Variants in ZMAT4 observed in about 807,000 individuals in gnomAD.
The protein encoded by ZMAT4 is zinc finger matrin-type protein 4.
ZMAT4 carries 17 observed loss-of-function variants against 28.7 expected under a neutral mutation model. The ratio of observed to expected loss-of-function variants is 0.59; its 90% CI spans 0.41 to 0.89. The LOEUF (loss-of-function observed/expected upper bound fraction) is 0.89. ZMAT4 is among the 40% of genes least tolerant of loss of function. The pLI is 0.00. For synonymous variants in ZMAT4, 117 were observed against 109.2 expected (o/e 1.07, Z -0.44); for missense variants, 240 against 283.8 (o/e 0.85, Z 1.11).
chr8:40,584,698 A>T (rs1468905364), intron 5 of ZMAT4, among the ~76,000 whole-genome samples: 2 of 151,994 alleles, frequency 1.3e-5, no homozygotes, highest in African/African-American at 4.8e-5. Context: ...GAGTGACATG[A>T]TGTCAGCTCA....
At chr8:40,801,352 A>AAAATATATATATATATATATATG (rs774919666) in intron 2 of ZMAT4, among the ~76,000 whole-genome samples, 10 of 72,146 alleles carry the variant, frequency 1.4e-4, no homozygotes, top group African/African-American at 4.6e-4. Context: ...AAAAAAAAAA[A>AAAATATATATATATATATATATG]TATATATATA....
rs189273900 is a variant in ZMAT4, at chr8:40,676,120, T to C, written c.350-1189A>G. Among the ~76,000 whole-genome samples the C allele has an allele frequency of 5.4e-3, 815 of 152,290 alleles. 8 individuals carry two copies. Among genetic ancestry groups the C allele is most frequent in the Middle Eastern group, 0.031 (9 of 294 alleles). ...TTGGCCTTTTATCCCATTTCTCAGA[T>C]GAGAGATTGATTTCAGAAATGCCAG... On this transcript the variant is annotated intron_variant, in intron 4 of 6. Coordinates refer to ENST00000297737, the MANE Select transcript of ZMAT4 (RefSeq NM_024645.3).
At chr8:40,532,690 A>C (rs1301370367) in intron 6 of ZMAT4, among the ~76,000 whole-genome samples, 1 of 25,142 alleles carries the variant, frequency 4.0e-5, no homozygotes, top group Non-Finnish European at 1.0e-4. Flanking sequence ...CTCTGTTAGA[A>C]GAATAGAAAA....
chr8:40,838,002 TG>T (rs1816560138), intron 1 of ZMAT4, among the ~76,000 whole-genome samples: 1 of 152,232 alleles, frequency 6.6e-6, no homozygotes, highest in Non-Finnish European at 1.5e-5. Flanking sequence ...ACGGAGCAGA[TG>T]GCCCTGACCA....
chr8:40,657,133 C>T (rs1327069079), intron 5 of ZMAT4, among the ~76,000 whole-genome samples: 1 of 152,154 alleles, frequency 6.6e-6, no homozygotes, highest in Non-Finnish European at 1.5e-5. Context: ...CAGGCTCAAA[C>T]CATCCTCCCA....
At chr8:40,787,986 GA>G (rs1367559037) in intron 2 of ZMAT4, among the ~76,000 whole-genome samples, 3 of 151,904 alleles carry the variant, frequency 2.0e-5, no homozygotes, top group Non-Finnish European at 4.4e-5. Flanking sequence ...CAGAAGAAAG[GA>G]AAAAATATAA....
chr8:40,866,973 G>A (rs566102848), intron 1 of ZMAT4, among the ~76,000 whole-genome samples: 1 of 152,202 alleles, frequency 6.6e-6, no homozygotes, highest in Non-Finnish European at 1.5e-5. Flanking sequence ...AGCTAGACTG[G>A]TATAGATGCT....
intron 1 of ZMAT4, among the ~76,000 whole-genome samples, chr8:40,869,551 A>C (rs926837121): frequency 1.3e-5 from 2 of 152,210 alleles, no homozygotes; most frequent in Admixed American, 6.5e-5. Flanking sequence ...CTACATCACA[A>C]GATTATTAGA....
At chr8:40,786,411 G>C (rs1814083422) in intron 2 of ZMAT4, among the ~76,000 whole-genome samples, 1 of 152,036 alleles carries the variant, frequency 6.6e-6, no homozygotes, top group Admixed American at 6.5e-5. Flanking sequence ...GAATGGTTAT[G>C]AATTATAGAA....
At chr8:40,783,078 A>C (rs1015032996) in intron 2 of ZMAT4, among the ~76,000 whole-genome samples, 7 of 152,252 alleles carry the variant, frequency 4.6e-5, no homozygotes, top group African/African-American at 7.2e-5. Context: ...ATGAGAATTG[A>C]AAAACATATT....
chr8:40,786,598 C>G, intron 2 of ZMAT4: 1 of 930,660 alleles, frequency 1.1e-6, no homozygotes, highest in Non-Finnish European at 1.4e-6. Context: ...CATGCACGTT[C>G]TGGTTATTCT....
At chr8:40,873,857 C>A (rs1204221877) in intron 1 of ZMAT4, among the ~76,000 whole-genome samples, 1 of 152,168 alleles carries the variant, frequency 6.6e-6, no homozygotes, top group African/African-American at 2.4e-5. Context: ...TTCAGACAAC[C>A]TGAGCTTTCC....
intron 2 of ZMAT4, among the ~76,000 whole-genome samples, chr8:40,805,960 A>G (rs1488680892): frequency 6.6e-6 from 1 of 151,932 alleles, no homozygotes; most frequent in East Asian, 1.9e-4. Flanking sequence ...AGTTTTCACA[A>G]GAACAAAATT....
intron 1 of ZMAT4, among the ~76,000 whole-genome samples, chr8:40,870,862 G>A (rs1012489775): frequency 1.3e-5 from 2 of 152,178 alleles, no homozygotes; most frequent in Admixed American, 6.5e-5. Flanking sequence ...TCCCTTACCA[G>A]GCTAAAGAAG....
rs1160967577 is a variant in ZMAT4, at chr8:40,531,677, G to A, written c.*546C>T. On this transcript the variant is annotated 3_prime_UTR_variant, in exon 7 of 7. Coordinates refer to ENST00000297737, the MANE Select transcript of ZMAT4 (RefSeq NM_024645.3). ...TCTTCATTGTTCAGATGGTAAACCT[G>A]GCTCCTGTGCTTGGAGAACGGAGAA... The A allele has an allele frequency of 1.3e-5, 2 of 152,330 alleles. No individual in the cohort carries two copies. Among genetic ancestry groups the A allele is most frequent in the Non-Finnish European group, 2.9e-5 (2 of 68,048 alleles). 9.4% of individuals were successfully genotyped at this position (152,330 alleles called of 1,614,324 possible).
chr8:40,675,414 C>T (rs1248636453), intron 4 of ZMAT4, among the ~76,000 whole-genome samples: 1 of 151,862 alleles, frequency 6.6e-6, no homozygotes, highest in Non-Finnish European at 1.5e-5. Context: ...CCAGGTAAAA[C>T]TTGAGCAATA....
intron 2 of ZMAT4, among the ~76,000 whole-genome samples, chr8:40,793,610 A>G (rs1021829424): frequency 1.3e-5 from 2 of 152,236 alleles, no homozygotes; most frequent in Non-Finnish European, 2.9e-5. Context: ...TCTCCAAGTC[A>G]TGCCGAAAAG....
chr8:40,637,216 G>A (rs551875776), intron 5 of ZMAT4, among the ~76,000 whole-genome samples: 2 of 152,144 alleles, frequency 1.3e-5, no homozygotes, highest in Admixed American at 1.3e-4. Context: ...TGGTCCGAGG[G>A]AATGCCACAG....
intron 2 of ZMAT4, 85 bp downstream of exon 2, chr8:40,825,490 A>G: frequency 8.4e-7 from 1 of 1,189,014 alleles, no homozygotes. Context: ...CCCCAAGTCC[A>G]GAAGGAGGAT....
Sources: gnomAD v4.1 joint callset for allele counts (sites outside exome capture counted in the v4.1 genomes callset) on GRCh38, gnomAD v4.1.1 for gene constraint, MANE v1.5 for transcripts, NCBI Gene and HGNC (gene_info 2026-07-23, HGNC 2026-07-21) for gene names.